DAPK1: variants seen among roughly 807,000 people sequenced by gnomAD.
The protein encoded by DAPK1 is death-associated protein kinase 1.
A neutral mutation model predicts 144.9 loss-of-function variants in DAPK1; 56 were observed. The ratio of observed to expected loss-of-function variants is 0.39; its 90% confidence interval spans 0.31 to 0.48. The LOEUF (loss-of-function observed/expected upper bound fraction) is 0.48. Among genes scored for constraint, DAPK1 ranks in the 20% least tolerant of loss-of-function variants. The pLI is 0.95. For synonymous variants in DAPK1, 690 were observed against 749.0 expected (o/e 0.92, Z 1.29); for missense variants, 1,454 against 1,875.4 (o/e 0.78, Z 4.15).
At chr9:87,622,639 T>C (rs569365713) in intron 3 of DAPK1, among the ~76,000 whole-genome samples, 18 of 152,280 alleles carry the variant, frequency 1.2e-4, no homozygotes, top group African/African-American at 4.3e-4. Flanking sequence ...GGCTGGGTGC[T>C]GTAGCTCACG....
At chr9:87,669,835 T>A (rs9410612) in intron 19 of DAPK1, among the ~76,000 whole-genome samples, 93,549 of 151,874 alleles carry the variant, frequency 0.62, 29,327 homozygotes, top group South Asian at 0.79. Context: ...ACACTTCATA[T>A]ATGCATATTA....
rs1039914413 is a variant in DAPK1 at position 87,646,646 on chromosome 9, A to G, written c.1230+87A>G. 12 of 995,076 alleles carry G rather than the reference A, an allele frequency of 1.2e-5. No individual in the cohort carries two copies. The South Asian group carries it at 1.6e-4, about 13-fold the overall frequency. The allele number at this position is 995,076 out of a possible 1,614,324, so 61.6% of individuals were successfully genotyped here. A position where few individuals can be genotyped will look rare whatever the true frequency, so the allele number is the denominator to read the frequency against. On this transcript the variant is annotated intron_variant, in intron 13 of 25. Coordinates refer to ENST00000408954, the MANE Select transcript of DAPK1 (RefSeq NM_004938.4). ...TAGGGGTAACAGAGGAAAAAAATTT[A>G]TGTCCTAACTTGTTTCTCAGTTTCC...
chr9:87,698,627 C>T, intron 22 of DAPK1, 29 bp from the exon 23 acceptor site: 1 of 1,542,746 alleles, frequency 6.5e-7, no homozygotes, highest in Non-Finnish European at 8.9e-7. Flanking sequence ...AGGACCCACC[C>T]CCTGAAGCAG....
chr9:87,641,849 G>A lies in DAPK1; in HGVS notation c.829-120G>A. On this transcript the variant is annotated intron_variant, in intron 9 of 25. Coordinates refer to ENST00000408954, the MANE Select transcript of DAPK1 (RefSeq NM_004938.4). Reference sequence around the variant, plus strand: ...ATTCCATGTTATCCCAACTTCTTATGCTAATTTAATAAGGTGAATGTGTAA... The same window carrying A: ...ATTCCATGTTATCCCAACTTCTTATACTAATTTAATAAGGTGAATGTGTAA... 3 of 737,618 alleles carry A rather than the reference G, an allele frequency of 4.1e-6. No individual in the cohort carries two copies. In the South Asian group the frequency reaches 5.6e-5, roughly 14 times the overall value. The allele number at this position is 737,618 out of a possible 1,614,324, so 45.7% of individuals were successfully genotyped here.
At chr9:87,565,731 T>C (rs1017124072) in intron 2 of DAPK1, among the ~76,000 whole-genome samples, 3 of 152,240 alleles carry the variant, frequency 2.0e-5, no homozygotes, top group African/African-American at 7.2e-5. Flanking sequence ...TTTTCACTCT[T>C]TCTTTTTATC....
chr9:87,660,100 G>A (rs1249775965), intron 18 of DAPK1, among the ~76,000 whole-genome samples: 2 of 152,184 alleles, frequency 1.3e-5, no homozygotes, highest in African/African-American at 4.8e-5. Context: ...AGTCCCGGGA[G>A]GATCTCCCTG....
Position 87,686,710 on chromosome 9 carries a change from C to T in DAPK1, c.2384C>T (p.Ala795Val). Reference protein sequence around the residue: ...HCSADDQSTKAIDIQNAYLNG... With the variant: ...HCSADDQSTKVIDIQNAYLNG... ...TCGGCCGATGACCAGTCCACCAAGG[C>T]CATCGACATCCAGAACGCTTATTTG... The change falls in exon 21 of 26, where the codon GCC (alanine) becomes GTC (valine). Residue 795 changes from alanine (A) to valine (V), a missense_variant. By Grantham distance (64) the Ala-to-Val change is moderately conservative. This residue lies in a region of DAPK1 where 1,025 missense variants were observed against 1,237.9 expected (regional missense o/e 0.83). Coordinates refer to ENST00000408954, the MANE Select transcript of DAPK1 (RefSeq NM_004938.4). The surrounding 1 kb of genome is among the most constrained non-coding windows in gnomAD (Gnocchi z 4.2). The T allele has an allele frequency of 6.2e-7, 1 of 1,612,768 alleles. No homozygotes were observed. The highest frequency in any genetic ancestry group is 8.5e-7 in the Non-Finnish European group (1 of 1,178,904).
At chr9:87,533,304 A>G (rs938681460) in intron 2 of DAPK1, among the ~76,000 whole-genome samples, 2 of 152,268 alleles carry the variant, frequency 1.3e-5, no homozygotes, top group African/African-American at 4.8e-5. Context: ...GCACCAGACC[A>G]GTATTGTGAA....
chr9:87,584,628 TAGC>T (rs1827874480), intron 2 of DAPK1, among the ~76,000 whole-genome samples: 2 of 152,080 alleles, frequency 1.3e-5, no homozygotes, highest in South Asian at 2.1e-4. Context: ...TTTTGTCTGA[TAGC>T]AGCCATTCTA....
intron 11 of DAPK1, 33 bp from the exon 12 acceptor site, chr9:87,645,862 A>G (rs1205832827): frequency 1.9e-6 from 3 of 1,610,462 alleles, no homozygotes; most frequent in Non-Finnish European, 2.5e-6. Flanking sequence ...CTAGCAATGT[A>G]ACTCTGTTTC....
At chr9:87,699,817 G>A (rs919586826) in intron 23 of DAPK1, among the ~76,000 whole-genome samples, 1 of 152,128 alleles carries the variant, frequency 6.6e-6, no homozygotes, top group Non-Finnish European at 1.5e-5. Context: ...CGAGCATTAG[G>A]CCTCACCTTT....
At chr9:87,625,203 G>C (rs141028301) in intron 3 of DAPK1, among the ~76,000 whole-genome samples, 3 of 152,342 alleles carry the variant, frequency 2.0e-5, no homozygotes, top group African/African-American at 7.2e-5. Flanking sequence ...TATGTGACCA[G>C]AGGTAGATCT....
chr9:87,504,013 C>T (rs1824500745), intron 2 of DAPK1, among the ~76,000 whole-genome samples: 1 of 152,144 alleles, frequency 6.6e-6, no homozygotes, highest in African/African-American at 2.4e-5. Flanking sequence ...GACCGGTTTA[C>T]TGTGGATTGC....
chr9:87,630,111 A>G lies in DAPK1; in HGVS notation c.285-7832A>G, dbSNP rs553139950. On this transcript the variant is annotated intron_variant, in intron 3 of 25. Transcript: ENST00000408954. ...TCAGCCATTGTCTGATTACAACCCC[A>G]TGACACACCCTAAGCCACAGCTGCC... Among the ~76,000 whole-genome samples, 6 of 152,118 alleles carry G rather than the reference A, an allele frequency of 3.9e-5. No individual in the cohort carries two copies. In the East Asian group the frequency reaches 1.2e-3, roughly 29 times the overall value.
At chr9:87,653,648 C>G (rs776788004) in intron 17 of DAPK1, among the ~76,000 whole-genome samples, 1 of 151,820 alleles carries the variant, frequency 6.6e-6, no homozygotes, top group African/African-American at 2.4e-5. Context: ...GATCCCAGGA[C>G]TGTATTTCTC....
chr9:87,547,464 G>A (rs1171117434), intron 2 of DAPK1, among the ~76,000 whole-genome samples: 1 of 152,162 alleles, frequency 6.6e-6, no homozygotes, highest in Non-Finnish European at 1.5e-5. Context: ...TAAGACTGAG[G>A]AACTGCATTT....
chr9:87,498,979 C>A lies in DAPK1; in HGVS notation c.-99C>A. The A allele has an allele frequency of 2.3e-6, 2 of 888,236 alleles. No individual in the cohort carries two copies. The highest frequency in any genetic ancestry group is 1.9e-6 in the Non-Finnish European group (1 of 530,544). The allele number at this position is 888,236 out of a possible 1,614,324, so 55.0% of individuals were successfully genotyped here. A position where few individuals can be genotyped will look rare whatever the true frequency, so the allele number is the denominator to read the frequency against. On this transcript the variant is annotated 5_prime_UTR_variant, in exon 2 of 26. In the 5' UTR this introduces an upstream ATG that the reference lacks. Coordinates refer to ENST00000408954, the MANE Select transcript of DAPK1 (RefSeq NM_004938.4). Reference sequence around the variant, plus strand: ...TTTTTTTCTTCAAAAGGACTGGAGACTGATGCATGAGGGGGCTACGGAGGC... The same window carrying A: ...TTTTTTTCTTCAAAAGGACTGGAGAATGATGCATGAGGGGGCTACGGAGGC...
At chr9:87,671,583 G>A (rs573726632) in intron 19 of DAPK1, among the ~76,000 whole-genome samples, 11 of 151,782 alleles carry the variant, frequency 7.2e-5, no homozygotes, top group South Asian at 2.1e-4. Context: ...TCACTGCAGC[G>A]TCAAACTCCT....
intron 2 of DAPK1, among the ~76,000 whole-genome samples, chr9:87,561,035 T>C (rs993892517): frequency 2.8e-4 from 43 of 152,206 alleles, no homozygotes; most frequent in African/African-American, 8.9e-4. Context: ...CATGTAGTCA[T>C]TCATCCATCA....
Sources: allele counts gnomAD v4.1 joint callset (sites outside exome capture counted in the v4.1 genomes callset), GRCh38; gene constraint gnomAD v4.1.1; regional missense constraint gnomAD v4.1.1; non-coding constraint Gnocchi (gnomAD v3.1); transcripts MANE v1.5; gene names NCBI Gene and HGNC (gene_info 2026-07-23, HGNC 2026-07-21).